HABP2: variants seen among roughly 807,000 people sequenced by gnomAD.
HABP2 encodes factor VII-activating protease.
Under a neutral mutation model 66.5 loss-of-function variants are expected in HABP2, and 65 were observed. The ratio of observed to expected loss-of-function variants is 0.98; its 90% CI spans 0.80 to 1.20. The LOEUF is 1.20. Among genes scored for constraint, HABP2 ranks in the 50% most tolerant of loss-of-function variants. HABP2 has a pLI of 0.00. For synonymous variants in HABP2, 263 were observed against 253.9 expected (o/e 1.04, Z -0.34); for missense variants, 786 against 691.0 (o/e 1.14, Z -1.54).
At chr10:113,572,123 C>T (rs1193504402) in intron 2 of HABP2, among the ~76,000 whole-genome samples, 1 of 152,218 alleles carries the variant, frequency 6.6e-6, no homozygotes, top group Non-Finnish European at 1.5e-5. Flanking sequence ...CTGAGCTCTG[C>T]TCGTTCTATC....
chr10:113,555,499 G>T (rs1229232443), intron 1 of HABP2, among the ~76,000 whole-genome samples: 2 of 152,102 alleles, frequency 1.3e-5, no homozygotes, highest in Non-Finnish European at 2.9e-5. Context: ...TAGGATCTGT[G>T]GTCACTATTC....
In HABP2 at chr10:113,574,384, T is replaced by G; in HGVS notation, c.202T>G (p.Tyr68Asp). The G allele has an allele frequency of 6.4e-7, 1 of 1,564,496 alleles. No individual in the cohort carries two copies. Among genetic ancestry groups the G allele is most frequent in the South Asian group, 1.1e-5 (1 of 90,126 alleles). Residue 68 changes from tyrosine (Y) to aspartate (D), a missense_variant, in exon 3 of 13, where the codon TAC (tyrosine) becomes GAC (aspartate). Physicochemically the swap from Tyr to Asp is radical, Grantham distance 160. Transcript: ENST00000351270. ...TACCCACGCTGAGAATCCTGACTGGTACTACACTGAGGACCAAGCTGGTAG... is the reference window on the plus strand; with the variant it reads ...TACCCACGCTGAGAATCCTGACTGGGACTACACTGAGGACCAAGCTGGTAG... ...TLTHAENPDW[Y>D]YTEDQADPCQ...
At chr10:113,583,545 G>C (rs1370633978) in intron 10 of HABP2, among the ~76,000 whole-genome samples, 187 bp downstream of exon 10, 1 of 152,198 alleles carries the variant, frequency 6.6e-6, no homozygotes, top group Non-Finnish European at 1.5e-5. Context: ...AGATAAATGG[G>C]CATATGCTCT....
chr10:113,588,205 G>A lies in HABP2; in HGVS notation c.1519G>A (p.Gly507Ser), dbSNP rs575155980. The A allele has an allele frequency of 6.2e-7, 1 of 1,600,526 alleles. No homozygotes were observed. The highest frequency in any genetic ancestry group is 8.5e-7 in the Non-Finnish European group (1 of 1,174,286). Residue 507 changes from glycine to serine, a missense_variant and splice_region_variant, in exon 13 of 13, where the codon GGT becomes AGT. Transcript: ENST00000351270. ...LQKPGQDTCQ[G>S]DSGGPLTCEK... The stretch of plus-strand genomic sequence containing the variant: ...GAGCTTATGCCTCTGTTTCCCTTAG[G>A]GTGACTCTGGAGGCCCCCTGACCTG...
chr10:113,574,482 C>A (rs1223715717), intron 3 of HABP2, 77 bp downstream of exon 3: 3 of 727,268 alleles, frequency 4.1e-6, no homozygotes, highest in Non-Finnish European at 7.5e-6. Context: ...CATGCAAGGG[C>A]CTCTCTCTCC....
rs752658767 is a variant in HABP2, at chr10:113,585,796, A to G, written c.1376A>G (p.Lys459Arg). The G allele has an allele frequency of 6.2e-7, 1 of 1,613,562 alleles. No individual in the cohort carries two copies. The highest frequency in any genetic ancestry group is 8.5e-7 in the Non-Finnish European group (1 of 1,179,480). ...TTTCTCTGCACCTTCCCCACAGGAA[A>G]AGGGTCCCGCCAGCTCCTGGATGCC... ...ISGWGVTETG[K>R]GSRQLLDAKV... Residue 459 changes from lysine to arginine, a missense_variant, in exon 12 of 13, where the codon AAA becomes AGA. By Grantham distance (26) the Lys-to-Arg change is conservative. Coordinates refer to ENST00000351270, the MANE Select transcript of HABP2 (RefSeq NM_004132.5).
intron 7 of HABP2, among the ~76,000 whole-genome samples, chr10:113,579,842 G>A (rs1251000448): frequency 6.6e-6 from 1 of 151,930 alleles, no homozygotes; most frequent in Non-Finnish European, 1.5e-5. Context: ...GAGTGCAGTG[G>A]CACCATCTCA....
At chr10:113,580,782 C>A in intron 8 of HABP2, 90 bp downstream of exon 8, 1 of 711,568 alleles carries the variant, frequency 1.4e-6, no homozygotes, top group East Asian at 2.6e-5. Flanking sequence ...CTCCCTCACC[C>A]TGTTCTTCCT....
At position 113,589,475 on chromosome 10, in the gene HABP2, G is replaced by A. The variant is rs1222959578; in HGVS notation, c.*1106G>A. 1.5e-6 allele frequency: 1 copy of A among 647,652 alleles called. No individual in the cohort carries two copies. Among genetic ancestry groups the A allele is most frequent in the Non-Finnish European group, 2.6e-6 (1 of 383,782 alleles). The allele number at this position is 647,652 out of a possible 1,614,324, so 40.1% of individuals were successfully genotyped here. A position where few individuals can be genotyped will look rare whatever the true frequency, so the allele number is the denominator to read the frequency against. On this transcript the variant is annotated 3_prime_UTR_variant, in exon 13 of 13. Transcript: ENST00000351270. ...TGTGACTTCAGAGAAAGCCCTGCAGGAAGTTTAACCTGCGTGTCATCTGCC... is the reference window on the plus strand; with the variant it reads ...TGTGACTTCAGAGAAAGCCCTGCAGAAAGTTTAACCTGCGTGTCATCTGCC...
At chr10:113,567,602 T>C in intron 2 of HABP2, 77 bp downstream of exon 2, 2 of 1,047,844 alleles carry the variant, frequency 1.9e-6, no homozygotes, top group Non-Finnish European at 3.0e-6. Context: ...GGCCTAAGTA[T>C]GGAAGTGTTG....
At chr10:113,575,164 A>G (rs1329897856) in intron 3 of HABP2, among the ~76,000 whole-genome samples, 1 of 152,222 alleles carries the variant, frequency 6.6e-6, no homozygotes, top group African/African-American at 2.4e-5. Context: ...GATACAGGGC[A>G]TGGGGGAACA....
intron 1 of HABP2, among the ~76,000 whole-genome samples, chr10:113,564,454 C>G (rs573290366): frequency 6.6e-6 from 1 of 152,092 alleles, no homozygotes; most frequent in Non-Finnish European, 1.5e-5. Flanking sequence ...GCTGCCCTTC[C>G]TCTGCCAGGC....
At chr10:113,570,218 A>T (rs979359489) in intron 2 of HABP2, 1 of 152,220 alleles carries the variant, frequency 6.6e-6, no homozygotes, top group African/African-American at 2.4e-5. Context: ...CAAAATAGGA[A>T]TAATAATACC....
Position 113,583,283 on chromosome 10 carries a change from C to T in HABP2, c.1162C>T (p.Gln388Ter). ...CCTGAAGAAAGAAGAATTTCATGAG[C>T]AGAGCTTTAGGGTGGAGAAGATATT... is the stretch of plus-strand genomic sequence containing the variant. ...QDLKKEEFHE[Q>*]SFRVEKIFKY... Residue 388 changes from glutamine to a stop codon, truncating the protein, a stop_gained, in exon 10 of 13, where the codon CAG (glutamine) becomes TAG (stop). Transcript: ENST00000351270. LOFTEE classifies it high-confidence loss of function. 1.2e-6 allele frequency: 2 copies of T among 1,611,278 alleles called. No individual in the cohort carries two copies. Among genetic ancestry groups the T allele is most frequent in the Non-Finnish European group, 1.7e-6 (2 of 1,177,448 alleles).
intron 1 of HABP2, among the ~76,000 whole-genome samples, chr10:113,563,774 A>G (rs1845144990): frequency 6.6e-6 from 1 of 152,176 alleles, no homozygotes; most frequent in Non-Finnish European, 1.5e-5. Context: ...TGTCCCTCAA[A>G]GTCTTCTGCC....
At chr10:113,583,787 C>A (rs1845585005) in intron 10 of HABP2, among the ~76,000 whole-genome samples, 1 of 152,204 alleles carries the variant, frequency 6.6e-6, no homozygotes, top group South Asian at 2.1e-4. Flanking sequence ...AGTGCAAATG[C>A]AATGACGTTC....
intron 1 of HABP2, among the ~76,000 whole-genome samples, chr10:113,555,199 A>G (rs1485380809): frequency 6.6e-6 from 1 of 152,242 alleles, no homozygotes; most frequent in Admixed American, 6.5e-5. Flanking sequence ...AAGGACCCCA[A>G]GAAGTAATTC....
At chr10:113,588,024 C>T (rs2133792011) in intron 12 of HABP2, among the ~76,000 whole-genome samples, 181 bp from the exon 13 acceptor site, 2 of 152,260 alleles carry the variant, frequency 1.3e-5, no homozygotes, top group South Asian at 4.1e-4. Flanking sequence ...TATCTTCTCT[C>T]CCTTAGAGTC....
intron 1 of HABP2, among the ~76,000 whole-genome samples, chr10:113,559,559 G>A (rs1371328761): frequency 2.0e-5 from 3 of 152,170 alleles, no homozygotes; most frequent in South Asian, 2.1e-4. Context: ...GGGCAGAGTC[G>A]CCTGGGCACT....
Sources: gnomAD v4.1 joint callset for allele counts (sites outside exome capture counted in the v4.1 genomes callset) on GRCh38, gnomAD v4.1.1 for gene constraint, MANE v1.5 for transcripts, NCBI Gene and HGNC (gene_info 2026-07-23, HGNC 2026-07-21) for gene names.